The following GLIS3 variants were observed in gnomAD, a reference collection of about 807,000 sequenced individuals.
GLIS3 encodes zinc finger protein GLIS3.
GLIS3 carries 53 observed loss-of-function variants against 78.6 expected under a neutral mutation model. The observed-to-expected ratio is 0.67, with a 90% CI of 0.54 to 0.85. The LOEUF (loss-of-function observed/expected upper bound fraction) is 0.85, where lower values mean the gene tolerates loss of function less well. Ranked by LOEUF, GLIS3 falls within the 40% of genes least tolerant of loss-of-function variation. The pLI, the probability that GLIS3 is intolerant of heterozygous loss-of-function variation, is 0.00. For missense variants in GLIS3, 1,703 were observed against 1,231.1 expected (o/e 1.38, Z -5.74); for synonymous variants, 684 against 509.9 (o/e 1.34, Z -4.60).
intron 2 of GLIS3, among the ~76,000 whole-genome samples, chr9:4,346,430 G>T (rs1266094680): frequency 6.6e-6 from 1 of 152,078 alleles, no homozygotes; most frequent in East Asian, 1.9e-4. Flanking sequence ...TGATTAAAAG[G>T]ATGAAGAGCC....
At chr9:4,382,582 G>A in the GLIS3 span, among the ~76,000 whole-genome samples, 1 of 152,074 alleles carries the variant, frequency 6.6e-6, no homozygotes, top group Non-Finnish European at 1.5e-5. Context: ...TTAGCAATCA[G>A]TTTTTCTCTT....
intron 2 of GLIS3, among the ~76,000 whole-genome samples, chr9:4,158,468 C>T (rs1304944262): frequency 6.6e-6 from 1 of 152,174 alleles, no homozygotes; most frequent in Non-Finnish European, 1.5e-5. Context: ...CTTCATTTAC[C>T]TAAGCAGAAG....
At chr9:4,130,241 G>A (rs1020183106) in intron 2 of GLIS3, among the ~76,000 whole-genome samples, 3 of 152,232 alleles carry the variant, frequency 2.0e-5, no homozygotes, top group Non-Finnish European at 2.9e-5. Flanking sequence ...AAAATTTACA[G>A]CCTGGCCATG....
chr9:4,183,981 C>A lies in GLIS3; in HGVS notation c.389-58040G>T, dbSNP rs1817556885. 2.0e-5 allele frequency among the ~76,000 whole-genome samples: 3 copies of A among 152,058 alleles called. No homozygotes were observed. In the South Asian group the frequency reaches 6.2e-4, roughly 32 times the overall value. On this transcript the variant is annotated intron_variant, in intron 2 of 10. Transcript: ENST00000381971. ...GTACTTGCAATTTAAATTCATGTGA[C>A]AAATTTCAATGCATTTTATTTTTAT...
intron 4 of GLIS3, among the ~76,000 whole-genome samples, chr9:3,969,660 T>C (rs1588344698): frequency 6.6e-6 from 1 of 152,192 alleles, no homozygotes; most frequent in African/African-American, 2.4e-5. Context: ...GATCTTCTTT[T>C]CCCAACCAAA....
At chr9:4,487,960 G>A in the GLIS3 span, among the ~76,000 whole-genome samples, 1 of 152,140 alleles carries the variant, frequency 6.6e-6, no homozygotes, top group African/African-American at 2.4e-5. Flanking sequence ...CCAAACTGCT[G>A]GGAATATAAT....
At chr9:4,317,826 A>G (rs1817464067) in intron 2 of GLIS3, among the ~76,000 whole-genome samples, 1 of 152,242 alleles carries the variant, frequency 6.6e-6, no homozygotes, top group African/African-American at 2.4e-5. Flanking sequence ...TGAATGAAGT[A>G]GCACATGTAA....
intron 5 of GLIS3, chr9:3,933,033 T>C (rs907644810): frequency 4.0e-6 from 1 of 248,724 alleles, no homozygotes; most frequent in African/African-American, 2.2e-5. Context: ...GCATTAATAA[T>C]ATTAGTTGCA....
chr9:4,472,420 T>G, the GLIS3 span, among the ~76,000 whole-genome samples: 3 of 152,180 alleles, frequency 2.0e-5, no homozygotes, highest in African/African-American at 7.2e-5. Context: ...TGGAATACTA[T>G]GCAGCCATAA....
intron 4 of GLIS3, among the ~76,000 whole-genome samples, chr9:3,983,244 C>T (rs1339179457): frequency 2.6e-5 from 4 of 152,166 alleles, no homozygotes; most frequent in African/African-American, 7.2e-5. Flanking sequence ...TGCTGCCATC[C>T]ATGTAAGACA....
chr9:4,412,333 G>C, the GLIS3 span, among the ~76,000 whole-genome samples: 1 of 152,188 alleles, frequency 6.6e-6, no homozygotes, highest in Non-Finnish European at 1.5e-5. Flanking sequence ...TGGACTAAAA[G>C]TTACCTTAGA....
At chr9:4,296,900 T>C (rs1416841918) in intron 1 of GLIS3, among the ~76,000 whole-genome samples, 2 of 69,784 alleles carry the variant, frequency 2.9e-5, no homozygotes, top group South Asian at 6.6e-4. Context: ...TTGTTCTCAA[T>C]TGCAAAAAAA....
In GLIS3 at chr9:4,286,486, C is replaced by G; in HGVS notation, c.-61G>C. 4 of 1,594,702 alleles carry G rather than the reference C, an allele frequency of 2.5e-6. No homozygotes were observed. In the Admixed American group the frequency reaches 5.0e-5, roughly 20 times the overall value. On this transcript the variant is annotated 5_prime_UTR_variant, in exon 2 of 11. Transcript: ENST00000381971. ...AATGTCACTAATGACTCCTTTCAGG[C>G]AAAGTCCAATAAGTTATCCATGGTG...
At chr9:4,197,789 G>A (rs1297095112) in intron 2 of GLIS3, among the ~76,000 whole-genome samples, 1 of 152,090 alleles carries the variant, frequency 6.6e-6, no homozygotes, top group Non-Finnish European at 1.5e-5. Flanking sequence ...ACTCATCTGC[G>A]CCATCTACTG....
the GLIS3 span, among the ~76,000 whole-genome samples, chr9:4,398,909 GA>G: frequency 6.6e-6 from 1 of 152,228 alleles, no homozygotes; most frequent in Admixed American, 6.5e-5. Flanking sequence ...GGCTGGTCTT[GA>G]ACTCCTAACC....
At chr9:4,088,228 C>T (rs1829208863) in intron 4 of GLIS3, among the ~76,000 whole-genome samples, 1 of 152,234 alleles carries the variant, frequency 6.6e-6, no homozygotes, top group Non-Finnish European at 1.5e-5. Flanking sequence ...GCACCTGCCA[C>T]ACTTAATTTA....
At chr9:4,059,629 A>C (rs1458806188) in intron 4 of GLIS3, among the ~76,000 whole-genome samples, 1 of 152,186 alleles carries the variant, frequency 6.6e-6, no homozygotes, top group Non-Finnish European at 1.5e-5. Context: ...TTGTGGTTGG[A>C]GATCCTTATT....
the GLIS3 span, among the ~76,000 whole-genome samples, chr9:4,435,819 G>T: frequency 6.6e-6 from 1 of 152,110 alleles, no homozygotes; most frequent in Non-Finnish European, 1.5e-5. Flanking sequence ...CGTGGTGGCA[G>T]GCTCCTGTAG....
At position 3,926,717 on chromosome 9, in the gene GLIS3, C is replaced by T. The variant is rs114683847; in HGVS notation, c.1983+5643G>A. Among the ~76,000 whole-genome samples the T allele has an allele frequency of 2.7e-3, 402 of 151,048 alleles. 1 individual carries two copies. Among genetic ancestry groups the T allele is most frequent in the African/African-American group, 8.8e-3 (362 of 41,182 alleles). ...AGCTCACCACAACCTCTGCCTCCCG[C>T]GTTCAAGGATTTATCCTGCCTCAGC... On this transcript the variant is annotated intron_variant, in intron 6 of 10. Coordinates refer to ENST00000381971, the MANE Select transcript of GLIS3 (RefSeq NM_001042413.2).
Sources: allele counts gnomAD v4.1 joint callset (sites outside exome capture counted in the v4.1 genomes callset), GRCh38; gene constraint gnomAD v4.1.1; transcripts MANE v1.5; gene names NCBI Gene and HGNC (gene_info 2026-07-23, HGNC 2026-07-21).